AGPAT5: variants seen among roughly 807,000 people sequenced by gnomAD.
AGPAT5 encodes 1-acyl-sn-glycerol-3-phosphate acyltransferase epsilon.
In AGPAT5, 46 loss-of-function variants were observed where a neutral mutation model predicts 45.6. The observed-to-expected ratio is 1.01, with a 90% confidence interval of 0.80 to 1.29. AGPAT5 has a LOEUF of 1.29. AGPAT5 is among the 50% of genes most tolerant of loss of function. The pLI is 0.00. For synonymous variants in AGPAT5, 272 were observed against 167.0 expected, an observed-to-expected ratio of 1.63 and a Z score of -4.85; for missense variants, 673 against 450.7, an observed-to-expected ratio of 1.49 and a Z score of -4.47.
intron 7 of AGPAT5, among the ~76,000 whole-genome samples, chr8:6,755,964 C>T (rs890270036): frequency 2.0e-5 from 3 of 152,114 alleles, no homozygotes; most frequent in African/African-American, 7.2e-5. Flanking sequence ...CATGTATTGA[C>T]ATGAAAATAT....
chr8:6,754,358 A>G (rs1459844112), intron 6 of AGPAT5, among the ~76,000 whole-genome samples: 1 of 152,182 alleles, frequency 6.6e-6, no homozygotes, highest in African/African-American at 2.4e-5. Flanking sequence ...CAATTATATA[A>G]TATGTTAAAA....
rs944338385 is a variant in AGPAT5, at chr8:6,760,008, G to T, written c.*2620G>T. Among the ~76,000 whole-genome samples the T allele has an allele frequency of 6.6e-6, 1 of 152,158 alleles. No individual in the cohort carries two copies. The highest frequency in any genetic ancestry group is 2.4e-5 in the African/African-American group (1 of 41,432). On this transcript the variant is annotated 3_prime_UTR_variant, in exon 8 of 8. Coordinates refer to ENST00000285518, the MANE Select transcript of AGPAT5 (RefSeq NM_018361.5). The stretch of plus-strand genomic sequence containing the variant: ...AACTCTTACACCATACATACTGATA[G>T]TTTTTCATATGTTTCATTTCCATGT...
At chr8:6,733,837 T>C (rs1163761953) in intron 4 of AGPAT5, among the ~76,000 whole-genome samples, 3 of 152,222 alleles carry the variant, frequency 2.0e-5, no homozygotes, top group African/African-American at 7.2e-5. Context: ...GCTGTGGGCA[T>C]TGTATATATG....
intron 2 of AGPAT5, among the ~76,000 whole-genome samples, chr8:6,728,258 A>T (rs1338855819): frequency 6.6e-6 from 1 of 152,276 alleles, no homozygotes; most frequent in African/African-American, 2.4e-5. Context: ...TAGTTAAATT[A>T]TGCCAGAACA....
At chr8:6,715,967 G>A (rs772657306) in intron 1 of AGPAT5, among the ~76,000 whole-genome samples, 7 of 152,170 alleles carry the variant, frequency 4.6e-5, no homozygotes, top group South Asian at 4.2e-4. Flanking sequence ...ATTCTGCCCC[G>A]GTTAACTTTT....
Position 6,761,114 on chromosome 8 carries a change from C to G in AGPAT5, c.*3726C>G, listed in dbSNP as rs992298090. 3.9e-5 allele frequency among the ~76,000 whole-genome samples: 6 copies of G among 152,026 alleles called. No homozygotes were observed. Among genetic ancestry groups the G allele is most frequent in the Admixed American group, 6.6e-5 (1 of 15,264 alleles). The stretch of plus-strand genomic sequence containing the variant: ...GTATACTATAATAATAGCTGGTTAT[C>G]CTGAGCAGGGGAAAAGGTTATTTTT... On this transcript the variant is annotated 3_prime_UTR_variant, in exon 8 of 8. Transcript: ENST00000285518.
intron 1 of AGPAT5, among the ~76,000 whole-genome samples, chr8:6,718,993 A>T (rs1800418379): frequency 6.6e-6 from 1 of 152,240 alleles, no homozygotes; most frequent in South Asian, 2.1e-4. Context: ...GTCAAGAGGA[A>T]TTCTGATTTA....
Position 6,747,820 on chromosome 8 carries a change from C to T in AGPAT5, c.737C>T (p.Thr246Ile). 5 of 1,613,984 alleles carry T rather than the reference C, an allele frequency of 3.1e-6. No individual in the cohort carries two copies. The highest frequency in any genetic ancestry group is 3.4e-6 in the Non-Finnish European group (4 of 1,179,926). ...DDGGQRRESP[T>I]MTEFLCKECP... is the part of the protein sequence containing the mutation. ...GGAGGGCAGCGAAGAGAGTCACCGA[C>T]CATGACGGGTAAGTGTGTTCACGCA... Residue 246 changes from threonine to isoleucine, a missense_variant, in exon 6 of 8, where the codon ACC (threonine) becomes ATC (isoleucine). By Grantham distance (89) the Thr-to-Ile change is moderately conservative. Coordinates refer to ENST00000285518, the MANE Select transcript of AGPAT5 (RefSeq NM_018361.5).
At chr8:6,741,826 G>T in intron 5 of AGPAT5, 75 bp downstream of exon 5, 1 of 1,201,920 alleles carries the variant, frequency 8.3e-7, no homozygotes, top group South Asian at 1.3e-5. Flanking sequence ...TCCTGGAAAA[G>T]ATACTTTTGT....
At chr8:6,728,803 A>T (rs1328413682) in intron 2 of AGPAT5, among the ~76,000 whole-genome samples, 1 of 152,236 alleles carries the variant, frequency 6.6e-6, no homozygotes, top group African/African-American at 2.4e-5. Context: ...AGGGTCGATT[A>T]TATGGTTTCT....
Position 6,708,857 on chromosome 8 carries a change from C to T in AGPAT5, c.189C>T (p.Leu63=), listed in dbSNP as rs1282320782. 6.2e-7 allele frequency: 1 copy of T among 1,609,200 alleles called. No homozygotes were observed. Among genetic ancestry groups the T allele is most frequent in the Non-Finnish European group, 8.5e-7 (1 of 1,178,214 alleles). The part of the protein sequence containing the change: ...RLYCVYQSMV[L]FFFENYTGVQ... Reference sequence around the variant, plus strand: ...ACTGCGTCTACCAGAGCATGGTGCTCTTCTTCTTCGAGAATTACACCGGGG... The same window carrying T: ...ACTGCGTCTACCAGAGCATGGTGCTTTTCTTCTTCGAGAATTACACCGGGG... Residue 63 remains leucine (L), a synonymous_variant, in exon 1 of 8, where the codon CTC becomes CTT. Transcript: ENST00000285518.
intron 4 of AGPAT5, among the ~76,000 whole-genome samples, 195 bp from the exon 5 acceptor site, chr8:6,741,466 G>T (rs1206174595): frequency 2.6e-5 from 4 of 152,066 alleles, no homozygotes; most frequent in African/African-American, 9.7e-5. Context: ...TTAAAATATA[G>T]TTCACGTTAT....
At chr8:6,734,149 A>G (rs944427863) in intron 4 of AGPAT5, among the ~76,000 whole-genome samples, 1 of 150,972 alleles carries the variant, frequency 6.6e-6, no homozygotes, top group Non-Finnish European at 1.5e-5. Context: ...CTTTGCTCTT[A>G]TTTCCTTAAA....
rs772720916 is a variant in AGPAT5 at position 6,730,870 on chromosome 8, A to AT, written c.405+44_405+45insT. 2,993 of 1,242,750 alleles carry AT rather than the reference A, an allele frequency of 2.4e-3. 2 individuals are homozygous for AT. Among genetic ancestry groups the AT allele is most frequent in the Non-Finnish European group, 2.7e-3 (2,476 of 924,122 alleles). 77.0% of individuals were successfully genotyped at this position (1,242,750 alleles called of 1,614,324 possible). On this transcript the variant is annotated intron_variant, in intron 3 of 7. Transcript: ENST00000285518. ...TTTCTCTCTATATATGTAGTTTATA[A>AT]ATTTTTTTTTTTTTTTTTGGAGACA...
At chr8:6,757,066 C>A in intron 7 of AGPAT5, 97 bp from the exon 8 acceptor site, 1 of 855,784 alleles carries the variant, frequency 1.2e-6, no homozygotes, top group Non-Finnish European at 1.8e-6. Context: ...CAGGGACCTG[C>A]ATAACTTTTC....
chr8:6,745,507 C>T (rs1801412363), intron 5 of AGPAT5, among the ~76,000 whole-genome samples: 1 of 152,220 alleles, frequency 6.6e-6, no homozygotes, highest in African/African-American at 2.4e-5. Context: ...TTAACTTTCA[C>T]ATAACTTTTG....
At position 6,732,554 on chromosome 8, in the gene AGPAT5, G is replaced by A. The variant is rs552862246; in HGVS notation, c.406-7G>A. 5 of 1,585,756 alleles carry A rather than the reference G, an allele frequency of 3.2e-6. No individual in the cohort carries two copies. The highest frequency in any genetic ancestry group is 4.3e-6 in the Non-Finnish European group (5 of 1,171,592). ...AAATGCTCTTTCTCCCGATTTGATT[G>A]TGGCAGCATGGAGGAATCTATGTAA... On this transcript the variant is annotated splice_region_variant and splice_polypyrimidine_tract_variant and intron_variant, in intron 3 of 7. Coordinates refer to ENST00000285518, the MANE Select transcript of AGPAT5 (RefSeq NM_018361.5).
chr8:6,751,561 C>A (rs1801654453), intron 6 of AGPAT5, among the ~76,000 whole-genome samples: 1 of 152,164 alleles, frequency 6.6e-6, no homozygotes, highest in Admixed American at 6.5e-5. Flanking sequence ...CAGTAGTGTC[C>A]CTTGTCCTTC....
intron 1 of AGPAT5, 38 bp downstream of exon 1, chr8:6,708,925 C>T (rs1415024137): frequency 1.7e-5 from 27 of 1,571,388 alleles, no homozygotes; most frequent in Non-Finnish European, 1.0e-5. Flanking sequence ...GGCGTCCACC[C>T]GAGCTCCCGG....
Sources: allele counts gnomAD v4.1 joint callset (sites outside exome capture counted in the v4.1 genomes callset), GRCh38; gene constraint gnomAD v4.1.1; transcripts MANE v1.5; gene names NCBI Gene and HGNC (gene_info 2026-07-23, HGNC 2026-07-21).